Variants in TMEM132B observed in about 807,000 individuals in gnomAD.
TMEM132B encodes the protein transmembrane protein 132B.
A neutral mutation model predicts 90.8 loss-of-function variants in TMEM132B; 18 were observed. The ratio of observed to expected loss-of-function variants is 0.20; its 90% confidence interval spans 0.14 to 0.29. The LOEUF (loss-of-function observed/expected upper bound fraction) is 0.29, where lower values mean the gene tolerates loss of function less well. Among genes scored for constraint, TMEM132B ranks in the 10% least tolerant of loss-of-function variants. The pLI is 1.00. For synonymous variants in TMEM132B, 504 were observed against 523.3 expected, an observed-to-expected ratio of 0.96 and a Z score of 0.50; for missense variants, 1,096 against 1,326.8, an observed-to-expected ratio of 0.83 and a Z score of 2.70.
chr12:125,339,587 G>A (rs1877106189), intron 1 of TMEM132B, among the ~76,000 whole-genome samples: 1 of 152,184 alleles, frequency 6.6e-6, no homozygotes, highest in South Asian at 2.1e-4. Flanking sequence ...CTTCTCCCCA[G>A]TAGCTCTTCA....
intron 1 of TMEM132B, among the ~76,000 whole-genome samples, chr12:125,327,720 C>T (rs374151076): frequency 6.6e-6 from 1 of 152,156 alleles, no homozygotes; most frequent in East Asian, 1.9e-4. Flanking sequence ...GGTCACACAG[C>T]AGGACCATTG....
chr12:125,639,634 C>A (rs1285762829), intron 5 of TMEM132B, among the ~76,000 whole-genome samples: 2 of 152,086 alleles, frequency 1.3e-5, no homozygotes, highest in African/African-American at 2.4e-5. Flanking sequence ...TATAACAGAG[C>A]AATCTGGTGC....
intron 6 of TMEM132B, among the ~76,000 whole-genome samples, chr12:125,647,512 C>T (rs531135659): frequency 1.3e-5 from 2 of 152,340 alleles, no homozygotes; most frequent in East Asian, 3.9e-4. Flanking sequence ...TTGCCTGAAA[C>T]CACGGAGGCC....
intron 3 of TMEM132B, among the ~76,000 whole-genome samples, chr12:125,466,544 A>T (rs750047562): frequency 2.5e-4 from 38 of 152,232 alleles, no homozygotes; most frequent in Non-Finnish European, 5.3e-4. Context: ...AACTGACATG[A>T]TTCACAGACT....
chr12:125,318,205 T>C (rs1876337896), intron 1 of TMEM132B, among the ~76,000 whole-genome samples: 1 of 151,984 alleles, frequency 6.6e-6, no homozygotes, highest in Admixed American at 6.6e-5. Flanking sequence ...ACTCACAACA[T>C]GGTGAACCCC....
At chr12:125,471,807 G>A (rs967503442) in intron 3 of TMEM132B, among the ~76,000 whole-genome samples, 6 of 152,182 alleles carry the variant, frequency 3.9e-5, no homozygotes, top group African/African-American at 1.4e-4. Context: ...GCTGAAGCTG[G>A]CATTATTATG....
intron 5 of TMEM132B, among the ~76,000 whole-genome samples, chr12:125,606,248 A>G (rs1885693073): frequency 6.6e-6 from 1 of 152,108 alleles, no homozygotes; most frequent in Non-Finnish European, 1.5e-5. Context: ...GAAAAGGTGA[A>G]GACTCTTTTT....
At position 125,490,684 on chromosome 12, in the gene TMEM132B, T is replaced by A. The variant is rs1178316307; in HGVS notation, c.1107-28755T>A. ...GGTTTCACTGTGTTAGCTAGGATGGTCTCGATCTCCTGACCTCGTGATCCG... is the reference window on the plus strand; with the variant it reads ...GGTTTCACTGTGTTAGCTAGGATGGACTCGATCTCCTGACCTCGTGATCCG... On this transcript the variant is annotated intron_variant, in intron 3 of 8. Transcript: ENST00000682704. This position sits in a 1 kb window ranked among gnomAD's most constrained non-coding sequence, Gnocchi z 4.2. Among the ~76,000 whole-genome samples, 1 of 152,126 alleles carries A rather than the reference T, an allele frequency of 6.6e-6. No individual in the cohort carries two copies. Among genetic ancestry groups the A allele is most frequent in the Non-Finnish European group, 1.5e-5 (1 of 68,036 alleles).
rs148471992 is a variant in TMEM132B, at chr12:125,254,630, T to C, written c.67+67764T>C. Among the ~76,000 whole-genome samples the C allele has an allele frequency of 1.3e-4, 20 of 151,860 alleles. 1 individual carries two copies. Among genetic ancestry groups the C allele is most frequent in the African/African-American group, 4.3e-4 (18 of 41,436 alleles). On this transcript the variant is annotated intron_variant, in intron 1 of 8. Transcript: ENST00000682704. ...AGATGGAATTGCGTATTTGTTTAAG[T>C]GCAAGGTCCTCTCTCCTGGGACTTA... is the stretch of plus-strand genomic sequence containing the variant.
chr12:125,361,710 A>G (rs1249145196), intron 2 of TMEM132B, among the ~76,000 whole-genome samples: 2 of 152,192 alleles, frequency 1.3e-5, no homozygotes, highest in Non-Finnish European at 2.9e-5. Context: ...TCCAAATGTT[A>G]TCTGCTGCAT....
At chr12:125,542,454 A>G (rs1883982835) in intron 4 of TMEM132B, among the ~76,000 whole-genome samples, 3 of 152,288 alleles carry the variant, frequency 2.0e-5, no homozygotes, top group Middle Eastern at 6.8e-3. Context: ...GACTGTTTTC[A>G]TCTTACAAAA....
At chr12:125,259,355 C>G (rs1200720714) in intron 1 of TMEM132B, among the ~76,000 whole-genome samples, 1 of 152,226 alleles carries the variant, frequency 6.6e-6, no homozygotes, top group Non-Finnish European at 1.5e-5. Flanking sequence ...TTGACTAGGT[C>G]TACCTCTTAG....
chr12:125,234,180 T>G (rs1565980469), intron 1 of TMEM132B, among the ~76,000 whole-genome samples: 1 of 152,162 alleles, frequency 6.6e-6, no homozygotes, highest in Non-Finnish European at 1.5e-5. Flanking sequence ...CTGGGCTGTG[T>G]GTGATGTGAT....
At chr12:125,505,225 C>T (rs144226424) in intron 3 of TMEM132B, among the ~76,000 whole-genome samples, 4 of 139,534 alleles carry the variant, frequency 2.9e-5, no homozygotes, top group African/African-American at 8.2e-5. Flanking sequence ...CAAAGGTGAC[C>T]CAGATAATGG....
intron 4 of TMEM132B, among the ~76,000 whole-genome samples, chr12:125,577,065 A>C (rs1884958043): frequency 2.0e-5 from 3 of 148,422 alleles, no homozygotes; most frequent in Admixed American, 6.7e-5. Flanking sequence ...AATTAATATT[A>C]CTCTTTCTTC....
chr12:125,457,070 G>T (rs1448907804), intron 3 of TMEM132B, among the ~76,000 whole-genome samples: 1 of 152,086 alleles, frequency 6.6e-6, no homozygotes, highest in Non-Finnish European at 1.5e-5. Context: ...CCTGCAACCT[G>T]CCCACCTGCC....
intron 1 of TMEM132B, among the ~76,000 whole-genome samples, chr12:125,316,434 C>A (rs1017352798): frequency 1.3e-5 from 2 of 152,180 alleles, no homozygotes; most frequent in Admixed American, 6.5e-5. Flanking sequence ...CTTGCTTTTC[C>A]TCAATACATC....
intron 5 of TMEM132B, among the ~76,000 whole-genome samples, chr12:125,623,817 G>T (rs1886168624): frequency 6.6e-6 from 1 of 152,154 alleles, no homozygotes; most frequent in Non-Finnish European, 1.5e-5. Context: ...AACATTGCTG[G>T]CCCCAAGGCA....
At chr12:125,517,355 T>TGCA in intron 3 of TMEM132B, among the ~76,000 whole-genome samples, 1 of 111,084 alleles carries the variant, frequency 9.0e-6, no homozygotes, top group Non-Finnish European at 1.9e-5. Context: ...TTTTTTTTTT[T>TGCA]TTTTTTTTTT....
Sources: gnomAD v4.1 joint callset for allele counts (sites outside exome capture counted in the v4.1 genomes callset) on GRCh38, gnomAD v4.1.1 for gene constraint, Gnocchi (gnomAD v3.1) non-coding constraint, MANE v1.5 for transcripts, NCBI Gene and HGNC (gene_info 2026-07-23, HGNC 2026-07-21) for gene names.